Variants in CDH18 observed in about 807,000 individuals in gnomAD.
The protein encoded by CDH18 is cadherin-18.
CDH18 carries 31 observed loss-of-function variants against 67.9 expected under a neutral mutation model. The observed-to-expected ratio is 0.46, with a 90% CI of 0.34 to 0.62. The LOEUF (loss-of-function observed/expected upper bound fraction) is 0.62, where lower values mean the gene tolerates loss of function less well. Among genes scored for constraint, CDH18 ranks in the 20% least tolerant of loss-of-function variants. The probability of loss-of-function intolerance (pLI) is 0.01; values close to 1 mark genes in which losing one functional copy is unlikely to be tolerated. For synonymous variants in CDH18, 362 were observed against 347.2 expected, an observed-to-expected ratio of 1.04 and a Z score of -0.48; for missense variants, 890 against 975.5, an observed-to-expected ratio of 0.91 and a Z score of 1.17.
chr5:19,773,789 A>G (rs994878774), intron 3 of CDH18, among the ~76,000 whole-genome samples: 2 of 152,218 alleles, frequency 1.3e-5, no homozygotes, highest in African/African-American at 4.8e-5. Flanking sequence ...GTTGACACAT[A>G]AATGAGACAT....
intron 2 of CDH18, chr5:19,878,193 T>C (rs1787247005): frequency 6.6e-6 from 1 of 152,092 alleles, no homozygotes; most frequent in Non-Finnish European, 1.5e-5. Context: ...TTTAATTGTT[T>C]TAATTGTCTA....
intron 1 of CDH18, among the ~76,000 whole-genome samples, chr5:20,258,183 A>G (rs6885540): frequency 0.41 from 61,662 of 151,758 alleles, 12,566 homozygotes; most frequent in South Asian, 0.47. Flanking sequence ...TTCTAATTGC[A>G]TTTTTATAGA....
At chr5:19,635,332 G>C (rs1026730238) in intron 5 of CDH18, among the ~76,000 whole-genome samples, 2 of 152,168 alleles carry the variant, frequency 1.3e-5, no homozygotes, top group South Asian at 4.1e-4. Context: ...TATGCTTACT[G>C]ATGTTTGATT....
At chr5:20,496,493 A>G (rs1302767853) in intron 1 of CDH18, among the ~76,000 whole-genome samples, 1 of 152,206 alleles carries the variant, frequency 6.6e-6, no homozygotes, top group East Asian at 1.9e-4. Context: ...CATAGAATTG[A>G]ATATACCATT....
At chr5:20,099,514 A>G (rs562387540) in intron 2 of CDH18, among the ~76,000 whole-genome samples, 1 of 152,172 alleles carries the variant, frequency 6.6e-6, no homozygotes, top group South Asian at 2.1e-4. Flanking sequence ...ATTGTCTCCC[A>G]TTTTCATCTT....
intron 2 of CDH18, among the ~76,000 whole-genome samples, chr5:20,018,096 C>T (rs193049600): frequency 5.3e-5 from 8 of 152,268 alleles, no homozygotes; most frequent in African/African-American, 1.9e-4. Flanking sequence ...ATTTAATCTT[C>T]ATAACAATAG....
At chr5:20,124,704 C>G (rs1362899314) in intron 2 of CDH18, among the ~76,000 whole-genome samples, 1 of 152,058 alleles carries the variant, frequency 6.6e-6, no homozygotes, top group Non-Finnish European at 1.5e-5. Context: ...CCTGTGAAAG[C>G]GGGCATTTGT....
intron 1 of CDH18, among the ~76,000 whole-genome samples, chr5:20,378,756 G>A (rs1484092487): frequency 6.6e-6 from 1 of 152,082 alleles, no homozygotes; most frequent in Non-Finnish European, 1.5e-5. Flanking sequence ...TGAGTAGTTA[G>A]ATTTTAGCAT....
chr5:19,590,029 T>G (rs1372153785), intron 7 of CDH18, among the ~76,000 whole-genome samples: 1 of 152,164 alleles, frequency 6.6e-6, no homozygotes, highest in Non-Finnish European at 1.5e-5. Context: ...ATTTGATTAA[T>G]GTCTGTCCAC....
chr5:19,867,088 C>CAAA (rs1785633456), intron 2 of CDH18, among the ~76,000 whole-genome samples: 1 of 152,006 alleles, frequency 6.6e-6, no homozygotes, highest in African/African-American at 2.4e-5. Context: ...GACTCCATCT[C>CAAA]AAAAATAAAT....
intron 2 of CDH18, among the ~76,000 whole-genome samples, chr5:20,251,592 G>T (rs1226683225): frequency 2.6e-5 from 4 of 152,300 alleles, no homozygotes; most frequent in Non-Finnish European, 5.9e-5. Flanking sequence ...AGTTTGTAAT[G>T]TAATCAAGGT....
chr5:19,912,285 C>G (rs1372804083), intron 2 of CDH18, among the ~76,000 whole-genome samples: 1 of 152,004 alleles, frequency 6.6e-6, no homozygotes, highest in Non-Finnish European at 1.5e-5. Flanking sequence ...ATTCACATCA[C>G]ATGAAGTTTC....
intron 1 of CDH18, among the ~76,000 whole-genome samples, chr5:20,393,076 T>C (rs1471924183): frequency 6.6e-6 from 1 of 151,900 alleles, no homozygotes; most frequent in East Asian, 1.9e-4. Flanking sequence ...CACAAATATA[T>C]GTGATATATA....
chr5:20,275,172 G>T (rs972288315), intron 1 of CDH18, among the ~76,000 whole-genome samples: 1 of 152,058 alleles, frequency 6.6e-6, no homozygotes, highest in African/African-American at 2.4e-5. Flanking sequence ...TCGGCTTTGT[G>T]TCTCTGCCCA....
chr5:19,934,376 T>C (rs4482909), intron 2 of CDH18, among the ~76,000 whole-genome samples: 64,330 of 151,104 alleles, frequency 0.43, 16,135 homozygotes, highest in Middle Eastern at 0.66. Flanking sequence ...AGCATCCCTC[T>C]TTTAGGGATA....
At chr5:19,543,691 A>C (rs1277147744) in intron 9 of CDH18, among the ~76,000 whole-genome samples, 178 bp downstream of exon 9, 1 of 152,140 alleles carries the variant, frequency 6.6e-6, no homozygotes, top group Non-Finnish European at 1.5e-5. Flanking sequence ...AGTAAGGAGG[A>C]AGGCATAAGA....
At chr5:19,825,450 T>C (rs1305092723) in intron 3 of CDH18, among the ~76,000 whole-genome samples, 1 of 152,104 alleles carries the variant, frequency 6.6e-6, no homozygotes, top group Non-Finnish European at 1.5e-5. Flanking sequence ...GCCTGAACTC[T>C]GCAGGCAGGT....
intron 3 of CDH18, among the ~76,000 whole-genome samples, chr5:19,822,405 G>C (rs1314370329): frequency 6.6e-6 from 1 of 152,166 alleles, no homozygotes; most frequent in African/African-American, 2.4e-5. Flanking sequence ...AATTCTATCT[G>C]GGGAAATTCA....
chr5:20,444,865 T>G (rs1265272178), intron 1 of CDH18, among the ~76,000 whole-genome samples: 2 of 152,152 alleles, frequency 1.3e-5, no homozygotes, highest in Non-Finnish European at 2.9e-5. Context: ...ATGCTTCCAG[T>G]CTGGCAGTCA....
Sources: gnomAD v4.1 joint callset for allele counts (sites outside exome capture counted in the v4.1 genomes callset) on GRCh38, gnomAD v4.1.1 for gene constraint, MANE v1.5 for transcripts, NCBI Gene and HGNC (gene_info 2026-07-23, HGNC 2026-07-21) for gene names.